OTOGL: variants seen among roughly 807,000 people sequenced by gnomAD.
The protein encoded by OTOGL is otogelin-like protein.
In OTOGL, 285 loss-of-function variants were observed where a neutral mutation model predicts 318.5. The observed-to-expected ratio is 0.89, with a 90% confidence interval of 0.81 to 0.99. OTOGL has a LOEUF of 0.99. OTOGL is among the 50% of genes least tolerant of loss of function. The pLI, the probability that OTOGL is intolerant of heterozygous loss-of-function variation, is 0.00. For synonymous variants in OTOGL, 987 were observed against 936.5 expected, an observed-to-expected ratio of 1.05 and a Z score of -0.99; for missense variants, 2,899 against 2,845.6, an observed-to-expected ratio of 1.02 and a Z score of -0.43.
At chr12:80,146,427 A>C (rs1387512120) in intron 1 of OTOGL, among the ~76,000 whole-genome samples, 2 of 151,334 alleles carry the variant, frequency 1.3e-5, no homozygotes, top group Non-Finnish European at 1.5e-5. Context: ...CATGGTGGAT[A>C]AGCTTTTTGA....
At position 80,101,229 on chromosome 12, in the gene OTOGL, G is replaced by A. The variant is rs374045264; in HGVS notation, c.-20+1624G>A. Among the ~76,000 whole-genome samples the A allele has an allele frequency of 7.2e-5, 11 of 152,270 alleles. No individual in the cohort carries two copies. In the East Asian group the frequency reaches 1.7e-3, roughly 24 times the overall value. On this transcript the variant is annotated intron_variant, in intron 1 of 58. Coordinates refer to ENST00000547103, the MANE Select transcript of OTOGL (RefSeq NM_001378609.3). ...TCCTACGTGAAAGGTTGATGTTTCCGCAAGAGTTCAAATACAATGGTGTGG... is the reference window on the plus strand; with the variant it reads ...TCCTACGTGAAAGGTTGATGTTTCCACAAGAGTTCAAATACAATGGTGTGG...
chr12:80,217,859 A>T (rs1193861949), intron 5 of OTOGL, among the ~76,000 whole-genome samples, 195 bp downstream of exon 5: 6 of 152,244 alleles, frequency 3.9e-5, no homozygotes, highest in African/African-American at 1.4e-4. Flanking sequence ...AGGGCCAAAC[A>T]TTTAGACAAA....
At chr12:80,376,454 T>G (rs1891180814) in intron 57 of OTOGL, among the ~76,000 whole-genome samples, 1 of 152,324 alleles carries the variant, frequency 6.6e-6, no homozygotes, top group East Asian at 1.9e-4. Context: ...TTATACATCA[T>G]TAAATATAGA....
At chr12:80,232,767 C>A in intron 8 of OTOGL, 125 bp from the exon 9 acceptor site, 1 of 886,914 alleles carries the variant, frequency 1.1e-6, no homozygotes, top group Non-Finnish European at 1.7e-6. Flanking sequence ...GCTCTTGCTG[C>A]ACAGCTTATT....
At chr12:80,102,059 C>T (rs1455450142) in intron 1 of OTOGL, among the ~76,000 whole-genome samples, 1 of 152,156 alleles carries the variant, frequency 6.6e-6, no homozygotes, top group Non-Finnish European at 1.5e-5. Flanking sequence ...TAATTCCAGA[C>T]CTATGAATCC....
At chr12:80,284,054 G>A (rs1156439083) in intron 26 of OTOGL, among the ~76,000 whole-genome samples, 2 of 151,988 alleles carry the variant, frequency 1.3e-5, no homozygotes, top group Non-Finnish European at 2.9e-5. Context: ...ACAGACCCCA[G>A]TGTATGATGT....
At chr12:80,204,110 G>T (rs1420065202) in intron 1 of OTOGL, among the ~76,000 whole-genome samples, 1 of 152,148 alleles carries the variant, frequency 6.6e-6, no homozygotes, top group East Asian at 1.9e-4. Context: ...TATGGGAAGA[G>T]GTCATGTCAA....
chr12:80,212,804 A>C (rs1877369182), intron 4 of OTOGL, among the ~76,000 whole-genome samples: 1 of 152,226 alleles, frequency 6.6e-6, no homozygotes, highest in African/African-American at 2.4e-5. Context: ...TGTATTTTAT[A>C]GTGTTAATTG....
intron 1 of OTOGL, among the ~76,000 whole-genome samples, chr12:80,121,839 AG>A (rs773907940): frequency 2.0e-5 from 3 of 152,196 alleles, no homozygotes; most frequent in Non-Finnish European, 4.4e-5. Context: ...AATCTTAAGC[AG>A]GAACAATTTG....
At chr12:80,141,718 A>G (rs1226701396) in intron 1 of OTOGL, among the ~76,000 whole-genome samples, 1 of 152,174 alleles carries the variant, frequency 6.6e-6, no homozygotes, top group Non-Finnish European at 1.5e-5. Flanking sequence ...CCACCATTCA[A>G]GACTTTTTGT....
chr12:80,343,264 T>C (rs1261023846), intron 44 of OTOGL, among the ~76,000 whole-genome samples: 3 of 152,090 alleles, frequency 2.0e-5, no homozygotes, highest in African/African-American at 7.2e-5. Flanking sequence ...AACAATGCAA[T>C]GGTCCCTCAG....
Position 80,271,819 on chromosome 12 carries a change from C to A in OTOGL, c.2681+9C>A, listed in dbSNP as rs746040671. Reference sequence around the variant, plus strand: ...TGTGTTTGTGCTCCAGGGTAAGCCTCTTCTTCATAATACAGAACATTCAGG... The same window carrying A: ...TGTGTTTGTGCTCCAGGGTAAGCCTATTCTTCATAATACAGAACATTCAGG... On this transcript the variant is annotated intron_variant, in intron 24 of 58. Transcript: ENST00000547103. 5.0e-6 allele frequency: 8 copies of A among 1,608,004 alleles called. No homozygotes were observed. Among genetic ancestry groups the A allele is most frequent in the Non-Finnish European group, 6.8e-6 (8 of 1,176,294 alleles).
At chr12:80,310,869 T>TA (rs1224926346) in intron 30 of OTOGL, 142 bp downstream of exon 30, 2 of 605,568 alleles carry the variant, frequency 3.3e-6, no homozygotes, top group East Asian at 5.9e-5. Flanking sequence ...GCATATGTGT[T>TA]AGTTTGTTTT....
intron 1 of OTOGL, among the ~76,000 whole-genome samples, chr12:80,114,423 G>T (rs1870032722): frequency 6.6e-6 from 1 of 152,094 alleles, no homozygotes; most frequent in African/African-American, 2.4e-5. Flanking sequence ...TTTTCTTTAA[G>T]AACGTTGCAT....
At chr12:80,253,786 A>G (rs1021245920) in intron 14 of OTOGL, among the ~76,000 whole-genome samples, 7 of 152,122 alleles carry the variant, frequency 4.6e-5, no homozygotes, top group African/African-American at 1.7e-4. Flanking sequence ...ATTCTATAAC[A>G]TCTTATATCC....
intron 1 of OTOGL, among the ~76,000 whole-genome samples, chr12:80,109,758 A>C (rs1869713643): frequency 1.3e-5 from 2 of 152,206 alleles, no homozygotes; most frequent in African/African-American, 4.8e-5. Flanking sequence ...AGCACTGATG[A>C]CTGATGACCA....
At chr12:80,160,237 G>A (rs1873414814) in intron 1 of OTOGL, among the ~76,000 whole-genome samples, 1 of 151,634 alleles carries the variant, frequency 6.6e-6, no homozygotes, top group Non-Finnish European at 1.5e-5. Flanking sequence ...AAAGTAAATA[G>A]GTGGGACTTA....
intron 38 of OTOGL, among the ~76,000 whole-genome samples, chr12:80,333,780 C>T (rs1312508577): frequency 6.6e-6 from 1 of 152,084 alleles, no homozygotes; most frequent in Non-Finnish European, 1.5e-5. Flanking sequence ...AACCTCTAAG[C>T]AAATGATCTG....
At chr12:80,236,825 T>C (rs1337548427) in intron 9 of OTOGL, among the ~76,000 whole-genome samples, 1 of 149,258 alleles carries the variant, frequency 6.7e-6, no homozygotes, top group Non-Finnish European at 1.5e-5. Context: ...TCTTTTTTTT[T>C]TTTGTTTGAG....
Sources: gnomAD v4.1 joint callset for allele counts (sites outside exome capture counted in the v4.1 genomes callset) on GRCh38, gnomAD v4.1.1 for gene constraint, MANE v1.5 for transcripts, NCBI Gene and HGNC (gene_info 2026-07-23, HGNC 2026-07-21) for gene names.